The following LPA variants were observed in gnomAD, a reference collection of about 807,000 sequenced individuals.
LPA encodes the protein lipoprotein(a), also known as apolipoprotein(a).
LPA carries 199 observed loss-of-function variants against 197.9 expected under a neutral mutation model. The ratio of observed to expected loss-of-function variants is 1.01; its 90% CI spans 0.90 to 1.13. The LOEUF is 1.13. Ranked by LOEUF, LPA falls within the 50% of genes most tolerant of loss-of-function variation. LPA has a pLI of 0.00. For synonymous variants in LPA, 715 were observed against 639.5 expected (o/e 1.12, Z -1.78); for missense variants, 1,853 against 1,785.8 (o/e 1.04, Z -0.68).
At chr6:160,574,209 A>G (rs760197410) in intron 28 of LPA, among the ~76,000 whole-genome samples, 3 of 151,688 alleles carry the variant, frequency 2.0e-5, no homozygotes, top group Non-Finnish European at 4.4e-5. Context: ...CTCACCCAGC[A>G]CCCATGCAAA....
In LPA at chr6:160,548,522, G is replaced by A. The variant is rs374480077; in HGVS notation, c.5111C>T (p.Pro1704Leu). Residue 1704 changes from proline to leucine, a missense_variant, in exon 31 of 39, where the codon CCG becomes CTG. Coordinates refer to ENST00000316300, the MANE Select transcript of LPA (RefSeq NM_005577.4). ...SDTEGTVVAP[P>L]TVIQVPSLGP... ...TAGGCTTGGAACCTGGATGACAGTC[G>A]GAGGAGCGACCACAGTCCCTTCTGT... is the stretch of plus-strand genomic sequence containing the variant. 227 of 1,614,044 alleles carry A rather than the reference G, an allele frequency of 1.4e-4. 1 individual carries two copies. Among genetic ancestry groups the A allele is most frequent in the South Asian group, 5.7e-4 (52 of 91,074 alleles).
chr6:160,652,102 G>T (rs1440078972), intron 1 of LPA, among the ~76,000 whole-genome samples: 1 of 139,684 alleles, frequency 7.2e-6, no homozygotes, highest in African/African-American at 2.7e-5. Flanking sequence ...CCAAAAAGAA[G>T]AATACAGAGA....
Position 160,650,325 on chromosome 6 carries a change from A to G in LPA, c.209+13T>C, listed in dbSNP as rs1779979906. ...TGGACCTTGTTTTGCTTACTGTAAG[A>G]TTAATGACATACGCATTTGGGTAGT... On this transcript the variant is annotated intron_variant, in intron 2 of 38. Transcript: ENST00000316300. The G allele has an allele frequency of 1.9e-6, 3 of 1,612,522 alleles. 1 individual carries two copies. The highest frequency in any genetic ancestry group is 2.2e-5 in the South Asian group (2 of 91,044).
At chr6:160,533,333 C>G (rs1258927480) in intron 37 of LPA, among the ~76,000 whole-genome samples, 1 of 152,222 alleles carries the variant, frequency 6.6e-6, no homozygotes, top group Non-Finnish European at 1.5e-5. Context: ...TTTCCAGGCA[C>G]AAGCTCATAA....
At position 160,589,625 on chromosome 6, in the gene LPA, C is replaced by T; in HGVS notation, c.3875G>A (p.Gly1292Glu). Residue 1292 changes from glycine to glutamate, a missense_variant, in exon 24 of 39, where the codon GGA becomes GAA. Coordinates refer to ENST00000316300, the MANE Select transcript of LPA (RefSeq NM_005577.4). ...YRGSFSTTVT[G>E]RTCQSWSSMT... ...AGAGGACCAAGACTGACATGTCCTT[C>T]CTGTAACAGTGGTGGAGAATGAGCC... The T allele has an allele frequency of 3.1e-6, 5 of 1,613,948 alleles. No homozygotes were observed. The highest frequency in any genetic ancestry group is 4.2e-6 in the Non-Finnish European group (5 of 1,179,876).
intron 20 of LPA, among the ~76,000 whole-genome samples, chr6:160,596,731 A>G (rs939321496): frequency 6.6e-6 from 1 of 152,214 alleles, no homozygotes; most frequent in Non-Finnish European, 1.5e-5. Context: ...GAAGGTACTC[A>G]AAGGTCCTCA....
chr6:160,574,472 T>C (rs1458750684), intron 28 of LPA, among the ~76,000 whole-genome samples: 1 of 152,064 alleles, frequency 6.6e-6, no homozygotes, highest in East Asian at 1.9e-4. Context: ...CAGTCCTCCA[T>C]GTGGAGTTTT....
chr6:160,559,778 A>G (rs912457396), intron 28 of LPA, among the ~76,000 whole-genome samples: 3 of 152,166 alleles, frequency 2.0e-5, no homozygotes, highest in Non-Finnish European at 4.4e-5. Flanking sequence ...GTTCTTATTC[A>G]TTCTGCAGTT....
chr6:160,589,844 G>A (rs1778992089), intron 23 of LPA, 132 bp from the exon 24 acceptor site: 2 of 988,800 alleles, frequency 2.0e-6, no homozygotes, highest in East Asian at 5.0e-5. Flanking sequence ...TTAGTAGGCA[G>A]ATGGACATGC....
chr6:160,658,785 A>T (rs916001318), intron 1 of LPA, among the ~76,000 whole-genome samples: 6 of 152,126 alleles, frequency 3.9e-5, no homozygotes, highest in Non-Finnish European at 8.8e-5. Flanking sequence ...AAAGAATTCC[A>T]TCCTTAATAT....
intron 34 of LPA, among the ~76,000 whole-genome samples, chr6:160,542,131 C>T (rs1031910187): frequency 3.3e-5 from 5 of 152,286 alleles, no homozygotes; most frequent in African/African-American, 4.8e-5. Context: ...TGAAACGATA[C>T]CCAAAATGTC....
intron 1 of LPA, among the ~76,000 whole-genome samples, chr6:160,658,874 T>TTATATATATATA (rs997153544): frequency 1.5e-5 from 2 of 134,254 alleles, no homozygotes; most frequent in Non-Finnish European, 3.3e-5. Context: ...TAATAGGAGA[T>TTATATATATATA]TATATATATA....
intron 21 of LPA, among the ~76,000 whole-genome samples, 172 bp from the exon 22 acceptor site, chr6:160,594,289 C>T (rs1583605233): frequency 1.3e-5 from 2 of 152,190 alleles, no homozygotes; most frequent in Admixed American, 1.3e-4. Flanking sequence ...TCATAGCATT[C>T]TAGAACTTTA....
chr6:160,570,239 C>A (rs150170051), intron 28 of LPA, among the ~76,000 whole-genome samples: 4 of 152,108 alleles, frequency 2.6e-5, no homozygotes, highest in African/African-American at 9.7e-5. Context: ...CCAACACAAA[C>A]GTCCATCAAT....
intron 28 of LPA, among the ~76,000 whole-genome samples, chr6:160,567,211 G>A (rs12525447): frequency 0.099 from 15,014 of 152,152 alleles, 943 homozygotes; most frequent in Non-Finnish European, 0.15. Context: ...GCACCACATC[G>A]CACTTATTCT....
At chr6:160,549,231 A>G (rs1395649151) in intron 30 of LPA, among the ~76,000 whole-genome samples, 1 of 152,208 alleles carries the variant, frequency 6.6e-6, no homozygotes, top group Non-Finnish European at 1.5e-5. Flanking sequence ...TATAGAGATT[A>G]CAAGTCAAGA....
At position 160,601,068 on chromosome 6, in the gene LPA, T is replaced by C. The variant is rs201318325; in HGVS notation, c.2976A>G (p.Pro992=). The change falls in exon 19 of 39, where the codon CCA becomes CCG. Residue 992 remains proline, a synonymous_variant. Coordinates refer to ENST00000316300, the MANE Select transcript of LPA (RefSeq NM_005577.4). ...AACACCAAGGGGCTGCCACAGGATC[T>C]GGATTTCGGCAGTAGTTCTTGATCA... ...AGLIKNYCRN[P]DPVAAPWCYT... 7.4e-6 allele frequency: 12 copies of C among 1,613,992 alleles called. No homozygotes were observed. The highest frequency in any genetic ancestry group is 1.6e-4 in the Middle Eastern group (1 of 6,084).
At position 160,650,497 on chromosome 6, in the gene LPA, G is replaced by A. The variant is rs1403161561; in HGVS notation, c.50C>T (p.Ala17Val). The A allele has an allele frequency of 6.2e-7, 1 of 1,613,160 alleles. No individual in the cohort carries two copies. The highest frequency in any genetic ancestry group is 1.7e-5 in the Admixed American group (1 of 59,996). Reference sequence around the variant, plus strand: ...GACCACATGGCTTTGCTCAGGTGCTGCTAAAATTAAAACAGAAGAAATCAA... The same window carrying A: ...GACCACATGGCTTTGCTCAGGTGCTACTAAAATTAAAACAGAAGAAATCAA... ...VLLLLLFLKS[A>V]APEQSHVVQD... Residue 17 changes from alanine (A) to valine (V), a missense_variant and splice_region_variant, in exon 2 of 39, where the codon GCA becomes GTA. By Grantham distance (64) the Ala-to-Val change is moderately conservative. Coordinates refer to ENST00000316300, the MANE Select transcript of LPA (RefSeq NM_005577.4).
chr6:160,605,063 T>A lies in LPA; in HGVS notation c.2928A>T (p.Pro976=). 6.2e-7 allele frequency: 1 copy of A among 1,613,812 alleles called. No individual in the cohort carries two copies. The highest frequency in any genetic ancestry group is 8.5e-7 in the Non-Finnish European group (1 of 1,179,780). ...SMTPHSHSRT[P]AYYPNAGLIK... ...AGACATACGCATTTGGGTAGTATGC[T>A]GGGGTCCGACTATGCGAGTGTGGTG... Residue 976 remains proline, a synonymous_variant, in exon 18 of 39, where the codon CCA becomes CCT. Coordinates refer to ENST00000316300, the MANE Select transcript of LPA (RefSeq NM_005577.4).
Sources: gnomAD v4.1 joint callset for allele counts (sites outside exome capture counted in the v4.1 genomes callset) on GRCh38, gnomAD v4.1.1 for gene constraint, MANE v1.5 for transcripts, NCBI Gene and HGNC (gene_info 2026-07-23, HGNC 2026-07-21) for gene names.